Variants in MMAA observed in about 807,000 individuals in gnomAD.
The protein encoded by MMAA is methylmalonic aciduria type A protein, mitochondrial.
MMAA carries 41 observed loss-of-function variants against 45.0 expected under a neutral mutation model. The observed-to-expected ratio is 0.91, with a 90% CI of 0.71 to 1.18. The LOEUF (loss-of-function observed/expected upper bound fraction) is 1.18. MMAA is among the 50% of genes most tolerant of loss of function. The probability of loss-of-function intolerance (pLI) is 0.00; values close to 1 mark genes in which losing one functional copy is unlikely to be tolerated. For missense variants in MMAA, 460 were observed against 495.7 expected (o/e 0.93, Z 0.68); for synonymous variants, 154 against 178.2 (o/e 0.86, Z 1.08).
rs900954706 is a variant in MMAA, at chr4:145,659,078, A to G, written c.*3644A>G. ...GCGTTATTCAGGTAAGACTACAACA[A>G]TGATGAACATGTCAAAACTTTCCTT... On this transcript the variant is annotated 3_prime_UTR_variant, in exon 7 of 7. Transcript: ENST00000649156. The G allele has an allele frequency of 7.9e-5, 12 of 152,252 alleles. No homozygotes were observed. Among genetic ancestry groups the G allele is most frequent in the African/African-American group, 2.7e-4 (11 of 41,468 alleles). The allele number at this position is 152,252 out of a possible 1,614,324, so 9.4% of individuals were successfully genotyped here.
intron 2 of MMAA, among the ~76,000 whole-genome samples, chr4:145,640,076 C>T (rs1214206139): frequency 6.6e-6 from 1 of 151,962 alleles, no homozygotes; most frequent in African/African-American, 2.4e-5. Flanking sequence ...CTTCTCAATA[C>T]CAAAATGTAT....
At chr4:145,642,835 A>G in intron 3 of MMAA, 1 of 299,196 alleles carries the variant, frequency 3.3e-6, no homozygotes. Context: ...CACCTGTGCA[A>G]TTCAGAAAAT....
At chr4:145,642,731 G>A in intron 3 of MMAA, 2 of 487,720 alleles carry the variant, frequency 4.1e-6, no homozygotes, top group Non-Finnish European at 7.5e-6. Context: ...GGTGCCAGAA[G>A]TTGAAGATGA....
intron 1 of MMAA, among the ~76,000 whole-genome samples, chr4:145,637,053 T>C (rs1181730074): frequency 3.3e-5 from 5 of 152,230 alleles, no homozygotes; most frequent in Admixed American, 3.3e-4. Context: ...TAGAAGGTTA[T>C]GGTATAATGG....
chr4:145,655,261 CA>C lies in MMAA; in HGVS notation c.1086del (p.Gln362HisfsTer15). 1 of 1,614,144 alleles carries C rather than the reference CA, an allele frequency of 6.2e-7. No homozygotes were observed. The highest frequency in any genetic ancestry group is 8.5e-7 in the Non-Finnish European group (1 of 1,180,020). ...SGELTAKRRK[Q>X]QKVWMWNLIQ... ...GGAGCTGACTGCCAAACGACGGAAG[CA>C]ACAGAAAGTTTGGATGTGGAATCTC... On this transcript the variant is annotated frameshift_variant, in exon 7 of 7. Transcript: ENST00000649156. LOFTEE classifies it high-confidence loss of function.
chr4:145,626,106 G>A lies in MMAA; in HGVS notation c.-66+6699G>A, dbSNP rs546530118. ...GGGGACCTTGGGTGGACTGAGACAC[G>A]GCCCCACACAAACCTAGGGCCCAAA... On this transcript the variant is annotated intron_variant, in intron 1 of 6. Transcript: ENST00000649156. 50 of 607,298 alleles carry A rather than the reference G, an allele frequency of 8.2e-5. 1 individual carries two copies. In the South Asian group the frequency reaches 1.2e-3, roughly 15 times the overall value. 37.6% of individuals were successfully genotyped at this position (607,298 alleles called of 1,614,324 possible).
Position 145,639,459 on chromosome 4 carries a change from T to C in MMAA, c.320T>C (p.Leu107Pro), listed in dbSNP as rs201224725. Residue 107 changes from leucine to proline, a missense_variant, in exon 2 of 7, where the codon CTT becomes CCT. Transcript: ENST00000649156. Reference protein sequence around the residue: ...QRACLAEAITLVESTHSRKKE... With the variant: ...QRACLAEAITPVESTHSRKKE... Reference sequence around the variant, plus strand: ...GCCTGTTTAGCAGAGGCCATAACTCTTGTAGAATCAACTCACAGCAGGAAA... The same window carrying C: ...GCCTGTTTAGCAGAGGCCATAACTCCTGTAGAATCAACTCACAGCAGGAAA... 4.3e-6 allele frequency: 7 copies of C among 1,614,172 alleles called. No individual in the cohort carries two copies. The Admixed American group carries it at 8.3e-5, about 19-fold the overall frequency.
chr4:145,639,544 A>C lies in MMAA; in HGVS notation c.405A>C (p.Gln135His). The C allele has an allele frequency of 6.2e-7, 1 of 1,610,410 alleles. No homozygotes were observed. Among genetic ancestry groups the C allele is most frequent in the Non-Finnish European group, 8.5e-7 (1 of 1,177,956 alleles). Residue 135 changes from glutamine to histidine, a missense_variant, in exon 2 of 7, where the codon CAA (glutamine) becomes CAC (histidine). By Grantham distance (24) the Gln-to-His change is conservative. Coordinates refer to ENST00000649156, the MANE Select transcript of MMAA (RefSeq NM_172250.3). Reference protein sequence around the residue: ...KVLLYHREQEQSNKGKPLAFR... With the variant: ...KVLLYHREQEHSNKGKPLAFR... The stretch of plus-strand genomic sequence containing the variant: ...TACTTTACCACAGAGAACAAGAACA[A>C]TCAAATAAAGGAAAACCACTAGCAT...
At chr4:145,651,260 A>G in intron 5 of MMAA, 113 bp downstream of exon 5, 1 of 917,022 alleles carries the variant, frequency 1.1e-6, no homozygotes, top group South Asian at 1.4e-5. Flanking sequence ...AAAATGAAAT[A>G]TCATTCATGT....
chr4:145,647,031 A>T (rs1727944252), intron 4 of MMAA, among the ~76,000 whole-genome samples: 1 of 152,166 alleles, frequency 6.6e-6, no homozygotes. Context: ...TTTTGGAGAG[A>T]TCCCTGGCAG....
intron 6 of MMAA, 105 bp from the exon 7 acceptor site, chr4:145,655,042 C>T (rs1417051853): frequency 8.3e-7 from 1 of 1,211,700 alleles, no homozygotes; most frequent in East Asian, 2.4e-5. Flanking sequence ...TTGTCAATTG[C>T]CTATTTTTGT....
intron 4 of MMAA, chr4:145,650,274 G>A (rs982436068): frequency 6.6e-6 from 1 of 152,180 alleles, no homozygotes; most frequent in African/African-American, 2.4e-5. Flanking sequence ...CAGAGGAAGT[G>A]GAAAGGAATG....
At chr4:145,640,604 C>G (rs1328489851) in intron 2 of MMAA, among the ~76,000 whole-genome samples, 1 of 152,186 alleles carries the variant, frequency 6.6e-6, no homozygotes, top group African/African-American at 2.4e-5. Flanking sequence ...GTCCTCCCAC[C>G]TTGGCCTACC....
At chr4:145,625,503 AAGG>A in intron 1 of MMAA, 1 of 723,704 alleles carries the variant, frequency 1.4e-6, no homozygotes. Flanking sequence ...CTTCTCCAGG[AAGG>A]GCCCAATATT....
At chr4:145,629,096 A>G (rs1734266603) in intron 1 of MMAA, among the ~76,000 whole-genome samples, 1 of 152,150 alleles carries the variant, frequency 6.6e-6, no homozygotes, top group African/African-American at 2.4e-5. Context: ...CATTCCGTTG[A>G]TATGATATAT....
Position 145,659,498 on chromosome 4 carries a change from T to G in MMAA, c.*4064T>G, listed in dbSNP as rs1005184352. ...CTTGATAGAGTGAGGTGAGGGCATA[T>G]GTAAGTCAGTAAACTATTCTGTTAG... On this transcript the variant is annotated 3_prime_UTR_variant, in exon 7 of 7. Transcript: ENST00000649156. 2 of 152,182 alleles carry G rather than the reference T, an allele frequency of 1.3e-5. No individual in the cohort carries two copies. The highest frequency in any genetic ancestry group is 2.1e-4 in the South Asian group (1 of 4,826). The allele number at this position is 152,182 out of a possible 1,614,324, so 9.4% of individuals were successfully genotyped here.
chr4:145,640,876 G>A (rs190172857), intron 2 of MMAA, among the ~76,000 whole-genome samples: 12 of 152,138 alleles, frequency 7.9e-5, no homozygotes, highest in Admixed American at 2.0e-4. Context: ...ACCAACCCTC[G>A]TGCTAAAAAC....
intron 3 of MMAA, among the ~76,000 whole-genome samples, chr4:145,643,853 CAAAAAT>C (rs1727859085): frequency 6.6e-6 from 1 of 151,850 alleles, no homozygotes; most frequent in Non-Finnish European, 1.5e-5. Context: ...TAATAATAGA[CAAAAAT>C]AATGTCATAA....
At chr4:145,622,949 T>G (rs1354793654) in intron 1 of MMAA, among the ~76,000 whole-genome samples, 1 of 152,220 alleles carries the variant, frequency 6.6e-6, no homozygotes, top group Non-Finnish European at 1.5e-5. Context: ...AGTATTTCAA[T>G]AAGAGGCAGT....
Sources: allele counts gnomAD v4.1 joint callset (sites outside exome capture counted in the v4.1 genomes callset), GRCh38; gene constraint gnomAD v4.1.1; transcripts MANE v1.5; gene names NCBI Gene and HGNC (gene_info 2026-07-23, HGNC 2026-07-21).